Variants in CAMK1D observed in about 807,000 individuals in gnomAD.
CAMK1D encodes the protein calcium/calmodulin-dependent protein kinase type 1D.
CAMK1D carries 9 observed loss-of-function variants against 47.7 expected under a neutral mutation model. The ratio of observed to expected loss-of-function variants is 0.19; its 90% CI spans 0.11 to 0.33. The LOEUF (loss-of-function observed/expected upper bound fraction) is 0.33, where lower values mean the gene tolerates loss of function less well. CAMK1D is among the 10% of genes least tolerant of loss of function. CAMK1D has a pLI of 1.00. For missense variants in CAMK1D, 291 were observed against 488.7 expected (o/e 0.60, Z 3.81); for synonymous variants, 184 against 184.9 (o/e 0.99, Z 0.04).
At chr10:12,599,232 T>C (rs1838233003) in intron 2 of CAMK1D, among the ~76,000 whole-genome samples, 2 of 152,134 alleles carry the variant, frequency 1.3e-5, no homozygotes, top group South Asian at 4.1e-4. Context: ...GGTGAAGGTT[T>C]TGGCTTAAAG....
intron 3 of CAMK1D, among the ~76,000 whole-genome samples, chr10:12,744,716 G>A (rs1835584226): frequency 6.7e-6 from 1 of 149,862 alleles, no homozygotes; most frequent in Non-Finnish European, 1.5e-5. Flanking sequence ...CATTGTGAGA[G>A]TTGGTCTCTA....
chr10:12,634,020 C>T (rs566872432), intron 2 of CAMK1D, among the ~76,000 whole-genome samples: 1 of 152,318 alleles, frequency 6.6e-6, no homozygotes, highest in Non-Finnish European at 1.5e-5. Context: ...AGAGGGATCA[C>T]CTGAGCTGCT....
chr10:12,706,480 G>C (rs1221676850), intron 3 of CAMK1D, among the ~76,000 whole-genome samples: 3 of 152,134 alleles, frequency 2.0e-5, no homozygotes, highest in Non-Finnish European at 4.4e-5. Context: ...GAGAGGTCAA[G>C]GCAGGAAGAT....
chr10:12,769,625 C>G (rs1182478870), intron 4 of CAMK1D, 48 bp from the exon 5 acceptor site: 3 of 1,602,144 alleles, frequency 1.9e-6, no homozygotes, highest in Non-Finnish European at 2.6e-6. Flanking sequence ...CACAATTAAC[C>G]CAGCTTTACA....
chr10:12,494,758 G>A (rs1333572169), intron 1 of CAMK1D, among the ~76,000 whole-genome samples: 2 of 152,018 alleles, frequency 1.3e-5, no homozygotes, highest in African/African-American at 2.4e-5. Context: ...TAGTAGAGAT[G>A]GGGTTTTTCC....
At chr10:12,792,550 A>G (rs1378243575) in intron 6 of CAMK1D, among the ~76,000 whole-genome samples, 1 of 152,222 alleles carries the variant, frequency 6.6e-6, no homozygotes, top group Non-Finnish European at 1.5e-5. Flanking sequence ...AGTGTGTGGC[A>G]TCCTCTTCTC....
intron 3 of CAMK1D, among the ~76,000 whole-genome samples, chr10:12,735,818 C>G (rs1835162875): frequency 6.6e-6 from 1 of 151,276 alleles, no homozygotes. Flanking sequence ...AATTAAGAAG[C>G]TGTAACCCCT....
chr10:12,448,959 C>A (rs368557675), intron 1 of CAMK1D, among the ~76,000 whole-genome samples: 2 of 152,054 alleles, frequency 1.3e-5, no homozygotes, highest in African/African-American at 2.4e-5. Flanking sequence ...ATAATCTCAT[C>A]GGATGTTGTG....
At chr10:12,761,174 A>G (rs1350889597) in intron 4 of CAMK1D, 88 bp downstream of exon 4, 29 of 1,488,830 alleles carry the variant, frequency 1.9e-5, no homozygotes, top group Non-Finnish European at 2.6e-5. Context: ...GGGGGCATGC[A>G]GCTGCTCTGA....
intron 1 of CAMK1D, among the ~76,000 whole-genome samples, chr10:12,419,020 C>G (rs1176482044): frequency 6.6e-6 from 1 of 152,198 alleles, no homozygotes; most frequent in Non-Finnish European, 1.5e-5. Context: ...TGGTGCTTGA[C>G]TTTCCCTATT....
intron 2 of CAMK1D, among the ~76,000 whole-genome samples, chr10:12,634,732 A>G (rs1034770523): frequency 5.3e-5 from 8 of 152,030 alleles, no homozygotes; most frequent in African/African-American, 1.9e-4. Context: ...TTGTAGCTAG[A>G]GTCCGGTGCA....
intron 1 of CAMK1D, among the ~76,000 whole-genome samples, chr10:12,538,177 G>A (rs747472886): frequency 2.6e-5 from 4 of 152,202 alleles, no homozygotes; most frequent in African/African-American, 7.2e-5. Flanking sequence ...GCTTAGTTTA[G>A]ATTATGCTGG....
chr10:12,755,248 G>C (rs867844494), intron 3 of CAMK1D, among the ~76,000 whole-genome samples: 1 of 152,196 alleles, frequency 6.6e-6, no homozygotes, highest in Non-Finnish European at 1.5e-5. Flanking sequence ...GGAGCAGGGA[G>C]TGTGTGTAGG....
At chr10:12,765,958 CTTTTTTTTTT>C (rs147498267) in intron 4 of CAMK1D, among the ~76,000 whole-genome samples, 12 of 86,506 alleles carry the variant, frequency 1.4e-4, no homozygotes, top group Non-Finnish European at 2.2e-4. Context: ...CCATCCTAAT[CTTTTTTTTTT>C]TTTTTTTTTT....
At chr10:12,354,841 A>ATT (rs11432459) in intron 1 of CAMK1D, among the ~76,000 whole-genome samples, 1,444 of 129,334 alleles carry the variant, frequency 0.011, 34 homozygotes, top group Non-Finnish European at 0.016. Flanking sequence ...TTGGAGGAAA[A>ATT]TTTTTTTTTT....
intron 2 of CAMK1D, among the ~76,000 whole-genome samples, chr10:12,640,598 G>A (rs1325731356): frequency 2.6e-5 from 4 of 152,092 alleles, no homozygotes; most frequent in Non-Finnish European, 4.4e-5. Flanking sequence ...TGAAGGAAAC[G>A]GGTAAACAGA....
chr10:12,715,859 G>A lies in CAMK1D; in HGVS notation c.300-45089G>A, dbSNP rs374679114. On this transcript the variant is annotated intron_variant, in intron 3 of 10. Transcript: ENST00000619168. ...CAAGTAGCTGGGATTACAGGTGCGCGCCACGATGCCTAGCTAATTTCTGTA... is the reference window on the plus strand; with the variant it reads ...CAAGTAGCTGGGATTACAGGTGCGCACCACGATGCCTAGCTAATTTCTGTA... 7.3e-5 allele frequency among the ~76,000 whole-genome samples: 11 copies of A among 151,384 alleles called. No individual in the cohort carries two copies. In the South Asian group the frequency reaches 1.7e-3, roughly 23 times the overall value.
At chr10:12,375,907 A>G (rs1212627282) in intron 1 of CAMK1D, among the ~76,000 whole-genome samples, 1 of 152,048 alleles carries the variant, frequency 6.6e-6, no homozygotes, top group Non-Finnish European at 1.5e-5. Context: ...TCACACCTAT[A>G]ATCCTAGCAT....
At chr10:12,609,885 C>A (rs936520827) in intron 2 of CAMK1D, among the ~76,000 whole-genome samples, 2 of 152,272 alleles carry the variant, frequency 1.3e-5, no homozygotes, top group African/African-American at 4.8e-5. Context: ...AGGGAAAGAT[C>A]AGCTCTCAAA....
Sources: gnomAD v4.1 joint callset for allele counts (sites outside exome capture counted in the v4.1 genomes callset) on GRCh38, gnomAD v4.1.1 for gene constraint, MANE v1.5 for transcripts, NCBI Gene and HGNC (gene_info 2026-07-23, HGNC 2026-07-21) for gene names.